Variants in MORC4 observed in about 807,000 individuals in gnomAD.
MORC4 encodes MORC family CW-type zinc finger protein 4.
In MORC4, 22 loss-of-function variants were observed where a neutral mutation model predicts 65.5. That is an observed-to-expected ratio of 0.34 (90% CI 0.24 to 0.48). The LOEUF (loss-of-function observed/expected upper bound fraction) is 0.48, where lower values mean the gene tolerates loss of function less well. MORC4 is among the 20% of genes least tolerant of loss of function. The pLI, the probability that MORC4 is intolerant of heterozygous loss-of-function variation, is 0.99. For missense variants in MORC4, 624 were observed against 703.0 expected (o/e 0.89, Z 1.27); for synonymous variants, 267 against 255.8 (o/e 1.04, Z -0.42).
chrX:106,973,671 C>T (rs1047587384), intron 9 of MORC4, among the ~76,000 whole-genome samples: 1 of 111,728 alleles, frequency 9.0e-6, no homozygotes, highest in African/African-American at 3.3e-5. Flanking sequence ...TAGAAGAGTG[C>T]AGCAGAAGAG....
In MORC4 at chrX:106,942,834, ACTT is replaced by A. The variant is rs1399025642; in HGVS notation, c.2054_2056del (p.Glu685del). On this transcript the variant is annotated inframe_deletion, in exon 15 of 17. Coordinates refer to ENST00000355610, the MANE Select transcript of MORC4 (RefSeq NM_024657.5). Reference sequence around the variant, plus strand: ...AACAGCTACAAAAGGTCCCTTGTTGACTTCTTCTTTGTTTATGGTTGTGCTACC... The same window carrying A: ...AACAGCTACAAAAGGTCCCTTGTTGACTTCTTTGTTTATGGTTGTGCTACC... 8 of 1,211,319 alleles carry A rather than the reference ACTT, an allele frequency of 6.6e-6. No individual in the cohort carries two copies. Among genetic ancestry groups the A allele is most frequent in the East Asian group, 5.9e-5 (2 of 33,820 alleles).
intron 9 of MORC4, among the ~76,000 whole-genome samples, chrX:106,971,403 T>C (rs1287571058): frequency 8.9e-6 from 1 of 111,806 alleles, no homozygotes; most frequent in Non-Finnish European, 1.9e-5. Flanking sequence ...GACATAGGCA[T>C]GGGCAAAGAC....
intron 6 of MORC4, 47 bp downstream of exon 6, chrX:106,981,298 T>C (rs1602501025): frequency 1.8e-6 from 2 of 1,121,170 alleles, no homozygotes; most frequent in Non-Finnish European, 1.2e-6. Context: ...TATTTTCAGG[T>C]TACAGGAAAT....
Position 106,983,712 on chromosome X carries a change from C to CTT in MORC4, c.674+1382_674+1383dup, listed in dbSNP as rs201198417. 9.0e-3 allele frequency among the ~76,000 whole-genome samples: 892 copies of CTT among 98,604 alleles called. 4 individuals carry two copies. Among genetic ancestry groups the CTT allele is most frequent in the Middle Eastern group, 0.015 (3 of 195 alleles). 85.6% of individuals were successfully genotyped at this position (98,604 alleles called of 115,157 possible). On this transcript the variant is annotated intron_variant, in intron 5 of 16. Coordinates refer to ENST00000355610, the MANE Select transcript of MORC4 (RefSeq NM_024657.5). ...TCTGCTTCAAAGATTTTTTCTACTT[C>CTT]TTTTTTTTTTTTTTAAAGAGACAGG...
At position 106,958,341 on chromosome X, in the gene MORC4, C is replaced by T. The variant is rs150243133; in HGVS notation, c.1380G>A (p.Lys460=). 667 of 1,201,730 alleles carry T rather than the reference C, an allele frequency of 5.6e-4. 1 individual carries two copies. The highest frequency in any genetic ancestry group is 4.4e-3 in the Middle Eastern group (19 of 4,304). The change falls in exon 11 of 17, where the codon AAG becomes AAA. Residue 460 remains lysine (K), a synonymous_variant. Transcript: ENST00000355610. The part of the protein sequence containing the change: ...RWFCYYNSHP[K]YRRCSVPEEQ... The stretch of plus-strand genomic sequence containing the variant: ...ATTGAGTCCTGGAACCTTACCTGTA[C>T]TTTGGATGGGAATTATAATAACAAA...
rs371326679 is a variant in MORC4 at position 106,960,189 on chromosome X, G to A, written c.1257-1725C>T. On this transcript the variant is annotated intron_variant, in intron 10 of 16. Coordinates refer to ENST00000355610, the MANE Select transcript of MORC4 (RefSeq NM_024657.5). ...GGAGGGGAGAAGAAAGGTCCTATTAGCTTCGGTTCTACATGCATATGCATA... is the reference window on the plus strand; with the variant it reads ...GGAGGGGAGAAGAAAGGTCCTATTAACTTCGGTTCTACATGCATATGCATA... 1.2e-4 allele frequency among the ~76,000 whole-genome samples: 13 copies of A among 112,210 alleles called. No individual in the cohort carries two copies. In the East Asian group the frequency reaches 3.4e-3, roughly 29 times the overall value.
rs191033866 is a variant in MORC4, at chrX:106,996,946, G to T, written c.175+2731C>A. On this transcript the variant is annotated intron_variant, in intron 2 of 16. Coordinates refer to ENST00000355610, the MANE Select transcript of MORC4 (RefSeq NM_024657.5). The stretch of plus-strand genomic sequence containing the variant: ...ATGGCTTTGAGGTAGTGCTTCACAA[G>T]CCTCTCATCCTTTTCTGTTTCATAG... Among the ~76,000 whole-genome samples, 12 of 112,039 alleles carry T rather than the reference G, an allele frequency of 1.1e-4. No homozygotes were observed. In the East Asian group the frequency reaches 3.1e-3, roughly 29 times the overall value.
intron 3 of MORC4, among the ~76,000 whole-genome samples, chrX:106,989,498 T>C (rs1258801311): frequency 8.9e-6 from 1 of 112,302 alleles, no homozygotes; most frequent in East Asian, 2.8e-4. Context: ...AGAGGTCAAA[T>C]AGAACTTCTG....
chrX:106,975,685 T>C (rs1217652039), intron 9 of MORC4, among the ~76,000 whole-genome samples: 1 of 110,978 alleles, frequency 9.0e-6, no homozygotes, highest in African/African-American at 3.3e-5. Context: ...ACTCCCAGAA[T>C]ACCTCTTACC....
chrX:106,946,275 T>TA (rs1933826682), intron 14 of MORC4, among the ~76,000 whole-genome samples: 1 of 112,474 alleles, frequency 8.9e-6, no homozygotes, highest in African/African-American at 3.2e-5. Context: ...ACTGGGACAC[T>TA]ACTCTACTTT....
intron 8 of MORC4, 30 bp from the exon 9 acceptor site, chrX:106,976,714 A>G (rs758367552): frequency 9.4e-7 from 1 of 1,062,984 alleles, no homozygotes; most frequent in Non-Finnish European, 1.3e-6. Flanking sequence ...TTCAACACTT[A>G]CATTACTGTT....
chrX:106,944,505 A>T (rs937579002), intron 14 of MORC4, among the ~76,000 whole-genome samples: 3 of 110,946 alleles, frequency 2.7e-5, no homozygotes, highest in African/African-American at 9.8e-5. Context: ...TCGTTTTCCC[A>T]CCTCTAAGGG....
intron 14 of MORC4, 125 bp downstream of exon 14, chrX:106,954,788 T>G: frequency 1.6e-6 from 1 of 623,471 alleles, no homozygotes; most frequent in Non-Finnish European, 2.5e-6. Flanking sequence ...AAAATTGTGT[T>G]TCTACTTCTG....
intron 2 of MORC4, among the ~76,000 whole-genome samples, chrX:106,994,384 T>C (rs1427134322): frequency 9.0e-6 from 1 of 111,685 alleles, no homozygotes; most frequent in East Asian, 2.8e-4. Context: ...TTCCACCCTC[T>C]TCCCTTTCCC....
intron 11 of MORC4, among the ~76,000 whole-genome samples, chrX:106,957,524 A>C (rs1291830970): frequency 9.0e-6 from 1 of 111,722 alleles, no homozygotes; most frequent in Non-Finnish European, 1.9e-5. Context: ...CCATTTTAGC[A>C]CCTTTCTATC....
Position 106,978,134 on chromosome X carries a change from C to T in MORC4, c.1002G>A (p.Met334Ile). ...ATTTTATGAGTCGGTTGTTATGATACATCATTATTCCAAACTGGTTACTAT... is the reference window on the plus strand; with the variant it reads ...ATTTTATGAGTCGGTTGTTATGATATATCATTATTCCAAACTGGTTACTAT... ...CKNSNQFGIM[M>I]YHNNRLIKSF... Residue 334 changes from methionine to isoleucine, a missense_variant, in exon 8 of 17, where the codon ATG (methionine) becomes ATA (isoleucine). By Grantham distance (10) the Met-to-Ile change is conservative. Transcript: ENST00000355610. 1 of 1,207,575 alleles carries T rather than the reference C, an allele frequency of 8.3e-7. No homozygotes were observed. Among genetic ancestry groups the T allele is most frequent in the South Asian group, 1.8e-5 (1 of 56,678 alleles).
At chrX:106,957,063 T>C in intron 11 of MORC4, 59 bp from the exon 12 acceptor site, 1 of 735,088 alleles carries the variant, frequency 1.4e-6, no homozygotes, top group South Asian at 2.7e-5. Context: ...ACTTTTACCT[T>C]TTAATTTCCT....
At chrX:106,978,748 T>C (rs1388290639) in intron 7 of MORC4, among the ~76,000 whole-genome samples, 1 of 111,621 alleles carries the variant, frequency 9.0e-6, no homozygotes, top group Non-Finnish European at 1.9e-5. Context: ...CTCAGTTTGC[T>C]GCTAGGGCAC....
chrX:106,948,267 CT>C (rs1238296892), intron 14 of MORC4, among the ~76,000 whole-genome samples: 1 of 111,596 alleles, frequency 9.0e-6, no homozygotes, highest in Non-Finnish European at 1.9e-5. Flanking sequence ...TCATTTCAGA[CT>C]GTAGATCTGA....
Sources: allele counts gnomAD v4.1 joint callset (sites outside exome capture counted in the v4.1 genomes callset), GRCh38; gene constraint gnomAD v4.1.1; transcripts MANE v1.5; gene names NCBI Gene and HGNC (gene_info 2026-07-23, HGNC 2026-07-21).